Variants in THSD7A observed in about 807,000 individuals in gnomAD.
THSD7A encodes thrombospondin type-1 domain-containing protein 7A.
A neutral mutation model predicts 231.3 loss-of-function variants in THSD7A; 96 were observed. The observed-to-expected ratio is 0.41, with a 90% confidence interval of 0.35 to 0.49. The LOEUF (loss-of-function observed/expected upper bound fraction) is 0.49, where lower values mean the gene tolerates loss of function less well. THSD7A is among the 20% of genes least tolerant of loss of function. The probability of loss-of-function intolerance (pLI) is 0.05; values close to 1 mark genes in which losing one functional copy is unlikely to be tolerated. For synonymous variants in THSD7A, 940 were observed against 743.3 expected (o/e 1.26, Z -4.30); for missense variants, 2,290 against 2,070.2 (o/e 1.11, Z -2.06).
intron 7 of THSD7A, among the ~76,000 whole-genome samples, chr7:11,479,916 G>T (rs1051125902): frequency 1.3e-5 from 2 of 152,148 alleles, no homozygotes; most frequent in Middle Eastern, 3.4e-3. Context: ...CTGGAAGAGA[G>T]GATTCTCTAT....
intron 1 of THSD7A, among the ~76,000 whole-genome samples, chr7:11,746,631 G>A (rs940031694): frequency 2.6e-5 from 4 of 151,824 alleles, no homozygotes; most frequent in African/African-American, 9.7e-5. Flanking sequence ...CCCAGAGATG[G>A]AGTGGTCTTC....
chr7:11,656,524 A>C (rs1782714358), intron 1 of THSD7A, among the ~76,000 whole-genome samples: 1 of 151,846 alleles, frequency 6.6e-6, no homozygotes, highest in African/African-American at 2.4e-5. Context: ...ATTTATTTTT[A>C]ATGATTATCT....
intron 23 of THSD7A, among the ~76,000 whole-genome samples, chr7:11,399,746 A>C (rs536513654): frequency 1.3e-3 from 196 of 152,330 alleles, no homozygotes; most frequent in African/African-American, 4.4e-3. Context: ...CGTGGAAGAC[A>C]GTGTGGCGAT....
intron 23 of THSD7A, among the ~76,000 whole-genome samples, chr7:11,392,772 T>A (rs1049628411): frequency 1.6e-4 from 24 of 152,204 alleles, no homozygotes; most frequent in African/African-American, 5.8e-4. Context: ...GCTGGGAAGT[T>A]TGAACTGGGC....
chr7:11,456,480 T>C (rs1378816193), intron 11 of THSD7A, among the ~76,000 whole-genome samples: 3 of 152,084 alleles, frequency 2.0e-5, no homozygotes, highest in South Asian at 4.1e-4. Context: ...GTTCTTTTAT[T>C]GCTGAATTGA....
Position 11,489,758 on chromosome 7 carries a change from T to C in THSD7A, c.1823-7776A>G, listed in dbSNP as rs947060920. ...TATTTAAAAATATTACTGCAAGAGTTGAGTTCAATCTTCTCCTGTTTTAAT... is the reference window on the plus strand; with the variant it reads ...TATTTAAAAATATTACTGCAAGAGTCGAGTTCAATCTTCTCCTGTTTTAAT... On this transcript the variant is annotated intron_variant, in intron 6 of 27. Coordinates refer to ENST00000423059, the MANE Select transcript of THSD7A (RefSeq NM_015204.3). Among the ~76,000 whole-genome samples the C allele has an allele frequency of 9.9e-5, 15 of 152,102 alleles. 1 individual carries two copies. Among genetic ancestry groups the C allele is most frequent in the Admixed American group, 7.9e-4 (12 of 15,230 alleles).
rs1782078047 is a variant in THSD7A, at chr7:11,372,137, T to C, written c.*3657A>G. The C allele has an allele frequency of 6.6e-6, 1 of 151,614 alleles. No homozygotes were observed. The highest frequency in any genetic ancestry group is 1.5e-5 in the Non-Finnish European group (1 of 68,010). 9.4% of individuals were successfully genotyped at this position (151,614 alleles called of 1,614,324 possible). A position where few individuals can be genotyped will look rare whatever the true frequency, so the allele number is the denominator to read the frequency against. On this transcript the variant is annotated 3_prime_UTR_variant, in exon 28 of 28. Transcript: ENST00000423059. ...GCTACAATGACCACTGCCACCTACC[T>C]GAGGGTGGGGCAGGGAAAAATCAAA...
chr7:11,756,471 T>C (rs1346748564), intron 1 of THSD7A, among the ~76,000 whole-genome samples: 1 of 152,048 alleles, frequency 6.6e-6, no homozygotes, highest in African/African-American at 2.4e-5. Flanking sequence ...CTCTGAGAAG[T>C]GTCTAATACA....
chr7:11,676,123 A>C (rs925049180), intron 1 of THSD7A, among the ~76,000 whole-genome samples: 33 of 152,202 alleles, frequency 2.2e-4, no homozygotes, highest in Non-Finnish European at 1.9e-4. Context: ...CCAGGAAAAC[A>C]GGGTCTGGAG....
At position 11,374,412 on chromosome 7, in the gene THSD7A, G is replaced by C. The variant is rs981983055; in HGVS notation, c.*1382C>G. The C allele has an allele frequency of 6.6e-6, 1 of 152,032 alleles. No homozygotes were observed. The highest frequency in any genetic ancestry group is 2.4e-5 in the African/African-American group (1 of 41,420). The allele number at this position is 152,032 out of a possible 1,614,324, so 9.4% of individuals were successfully genotyped here. On this transcript the variant is annotated 3_prime_UTR_variant, in exon 28 of 28. Transcript: ENST00000423059. ...TAGTTTTGAAATCATACATTGAAGA[G>C]AGAGATTGCTTCAAATTTTGCCAGT... is the stretch of plus-strand genomic sequence containing the variant.
At chr7:11,538,504 G>C (rs561160945) in intron 6 of THSD7A, among the ~76,000 whole-genome samples, 22 of 152,254 alleles carry the variant, frequency 1.4e-4, no homozygotes, top group Admixed American at 1.2e-3. Flanking sequence ...TGCTTTGCCA[G>C]ATTTACACCT....
intron 16 of THSD7A, among the ~76,000 whole-genome samples, chr7:11,419,731 C>T (rs185830388): frequency 1.9e-4 from 29 of 152,264 alleles, no homozygotes; most frequent in African/African-American, 7.0e-4. Context: ...TTGGAACTTC[C>T]TAAAGACTTG....
chr7:11,543,882 A>G (rs1199635181), intron 4 of THSD7A, among the ~76,000 whole-genome samples: 2 of 152,148 alleles, frequency 1.3e-5, no homozygotes, highest in Non-Finnish European at 2.9e-5. Flanking sequence ...ATATATATCC[A>G]TAGTTCTGGA....
intron 27 of THSD7A, 71 bp from the exon 28 acceptor site, chr7:11,375,949 A>G: frequency 2.1e-6 from 3 of 1,439,094 alleles, no homozygotes; most frequent in Non-Finnish European, 2.9e-6. Flanking sequence ...TTTAAGCGAA[A>G]AAAAAGTAAA....
intron 4 of THSD7A, among the ~76,000 whole-genome samples, chr7:11,549,252 G>T (rs573429395): frequency 5.9e-5 from 9 of 152,062 alleles, no homozygotes; most frequent in Non-Finnish European, 1.2e-4. Flanking sequence ...ATACATGCTG[G>T]CAAGGTTGTG....
At chr7:11,707,086 T>G (rs761273226) in intron 1 of THSD7A, among the ~76,000 whole-genome samples, 2 of 150,850 alleles carry the variant, frequency 1.3e-5, no homozygotes, top group African/African-American at 2.4e-5. Context: ...GATTTCACCA[T>G]TAAACTAAGG....
chr7:11,450,653 G>C (rs1258661328), intron 11 of THSD7A, among the ~76,000 whole-genome samples: 2 of 151,986 alleles, frequency 1.3e-5, no homozygotes, highest in Non-Finnish European at 2.9e-5. Flanking sequence ...CTGAAACACT[G>C]AAAACAGGGT....
In THSD7A at chr7:11,613,673, C is replaced by G. The variant is rs1278917175; in HGVS notation, c.1023-20171G>C. On this transcript the variant is annotated intron_variant, in intron 2 of 27. Coordinates refer to ENST00000423059, the MANE Select transcript of THSD7A (RefSeq NM_015204.3). Reference sequence around the variant, plus strand: ...CAAAGTTAACTGGATACAATCACTTCAAGTGTTTTTCCCATCAGCAGTGAA... The same window carrying G: ...CAAAGTTAACTGGATACAATCACTTGAAGTGTTTTTCCCATCAGCAGTGAA... Among the ~76,000 whole-genome samples the G allele has an allele frequency of 2.6e-5, 4 of 152,194 alleles. No homozygotes were observed. The East Asian group carries it at 5.8e-4, about 22-fold the overall frequency.
chr7:11,756,024 A>G (rs1010625318), intron 1 of THSD7A, among the ~76,000 whole-genome samples: 22 of 152,172 alleles, frequency 1.4e-4, no homozygotes, highest in African/African-American at 5.1e-4. Context: ...AATCTACTTA[A>G]TGATAATAAA....
Sources: gnomAD v4.1 joint callset for allele counts (sites outside exome capture counted in the v4.1 genomes callset) on GRCh38, gnomAD v4.1.1 for gene constraint, MANE v1.5 for transcripts, NCBI Gene and HGNC (gene_info 2026-07-23, HGNC 2026-07-21) for gene names.